The following ACER1 variants were observed in gnomAD, a reference collection of about 807,000 sequenced individuals.
ACER1 encodes alkaline ceramidase 1.
Under a neutral mutation model 24.9 loss-of-function variants are expected in ACER1, and 28 were observed. The ratio of observed to expected loss-of-function variants is 1.13; its 90% CI spans 0.83 to 1.54. The LOEUF (loss-of-function observed/expected upper bound fraction) is 1.54. Among genes scored for constraint, ACER1 ranks in the 40% most tolerant of loss-of-function variants. The pLI is 0.00. For synonymous variants in ACER1, 132 were observed against 131.4 expected (o/e 1.00, Z -0.03); for missense variants, 352 against 349.3 (o/e 1.01, Z -0.06).
chr19:6,315,193 A>ATATT lies in ACER1; in HGVS notation c.94-2698_94-2695dup, dbSNP rs150191095. 4.2e-3 allele frequency among the ~76,000 whole-genome samples: 623 copies of ATATT among 148,918 alleles called. 1 individual carries two copies. The highest frequency in any genetic ancestry group is 0.017 in the Middle Eastern group (5 of 292). ...CCACTGCACCCGGCCTTATTTATTTATATTTATTTATTTATTTATTTATTT... is the reference window on the plus strand; with the variant it reads ...CCACTGCACCCGGCCTTATTTATTTATATTTATTTATTTATTTATTTATTTATTT... On this transcript the variant is annotated intron_variant, in intron 1 of 5. Coordinates refer to ENST00000301452, the MANE Select transcript of ACER1 (RefSeq NM_133492.3).
At chr19:6,314,189 G>A (rs1259574571) in intron 1 of ACER1, among the ~76,000 whole-genome samples, 1 of 151,560 alleles carries the variant, frequency 6.6e-6, no homozygotes, top group Non-Finnish European at 1.5e-5. Context: ...ACAAAAATTG[G>A]CCAGGTGCAG....
chr19:6,316,989 T>C (rs2091606233), intron 1 of ACER1, among the ~76,000 whole-genome samples: 2 of 139,366 alleles, frequency 1.4e-5, no homozygotes, highest in South Asian at 2.3e-4. Flanking sequence ...TTTTTTTTTT[T>C]CTGAGATGGA....
At chr19:6,328,496 C>CAA (rs1013111916) in intron 1 of ACER1, among the ~76,000 whole-genome samples, 257 of 40,592 alleles carry the variant, frequency 6.3e-3, no homozygotes, top group Middle Eastern at 0.013. Context: ...GACTCCATCT[C>CAA]AAAAAAAAAA....
chr19:6,334,783 C>G (rs1167506719), upstream of ACER1, among the ~76,000 whole-genome samples: 1 of 151,634 alleles, frequency 6.6e-6, no homozygotes, highest in Admixed American at 6.6e-5. Flanking sequence ...AAAGCATGTA[C>G]AAAGGCTTAG....
intron 5 of ACER1, 44 bp from the exon 6 acceptor site, chr19:6,306,926 C>T (rs750741537): frequency 1.3e-6 from 2 of 1,580,594 alleles, no homozygotes; most frequent in South Asian, 2.3e-5. Flanking sequence ...AAGATACCCA[C>T]AGCCTCACGC....
the ACER1 span, among the ~76,000 whole-genome samples, chr19:6,344,218 G>A: frequency 6.6e-6 from 1 of 151,724 alleles, no homozygotes; most frequent in African/African-American, 2.4e-5. Context: ...GCAGTGAGCC[G>A]AGATTGCGCC....
intron 1 of ACER1, among the ~76,000 whole-genome samples, chr19:6,314,256 G>A (rs1034829149): frequency 6.6e-6 from 1 of 151,818 alleles, no homozygotes; most frequent in East Asian, 1.9e-4. Context: ...GATCACTTGA[G>A]GTCAGGAGTT....
rs376784758 is a variant in ACER1 at position 6,307,242 on chromosome 19, T to C, written c.537A>G (p.Leu179=). Residue 179 remains leucine, a synonymous_variant, in exon 5 of 6, where the codon TTA becomes TTG. Coordinates refer to ENST00000301452, the MANE Select transcript of ACER1 (RefSeq NM_133492.3). ...TCCAGCTGGTCAGAGCAACAGCCCA[T>C]AAAACCACGGAGACCTCAATCAGGT... ...LRHLIEVSVV[L]WAVALTSWIS... The C allele has an allele frequency of 4.3e-5, 70 of 1,613,864 alleles. No homozygotes were observed. Among genetic ancestry groups the C allele is most frequent in the Non-Finnish European group, 5.8e-5 (69 of 1,180,000 alleles).
rs368764098 is a variant in ACER1, at chr19:6,309,820, C to A, written c.365G>T (p.Arg122Leu). The A allele has an allele frequency of 6.0e-5, 97 of 1,613,952 alleles. No homozygotes were observed. Among genetic ancestry groups the A allele is most frequent in the Non-Finnish European group, 7.8e-5 (92 of 1,179,934 alleles). The change falls in exon 4 of 6, where the codon CGC becomes CTC. Residue 122 changes from arginine (R) to leucine (L), a missense_variant. Coordinates refer to ENST00000301452, the MANE Select transcript of ACER1 (RefSeq NM_133492.3). The part of the protein sequence containing the change: ...FLGGNRSQFI[R>L]LVFITTVVST... ...GACCACAGTGGTGATGAAGACCAGG[C>A]GGATGAACTGGGACCTGGGGAGGAA...
chr19:6,322,373 A>T (rs1173110473), intron 1 of ACER1, among the ~76,000 whole-genome samples: 2 of 152,178 alleles, frequency 1.3e-5, no homozygotes, highest in South Asian at 2.1e-4. Context: ...GAAAGACAAA[A>T]TATGTAGCAG....
chr19:6,334,750 C>T (rs74525516), upstream of ACER1, among the ~76,000 whole-genome samples: 4,105 of 152,090 alleles, frequency 0.027, 193 homozygotes, highest in African/African-American at 0.094. Context: ...ACAGAGCCAA[C>T]TGTAACAAAG....
the ACER1 span, among the ~76,000 whole-genome samples, chr19:6,341,097 TCTGA>T: frequency 6.6e-6 from 1 of 151,778 alleles, no homozygotes; most frequent in Non-Finnish European, 1.5e-5. Context: ...CCAGTCTCTC[TCTGA>T]CTTTGTTCTT....
intron 1 of ACER1, among the ~76,000 whole-genome samples, chr19:6,320,121 G>GGAAA (rs1052068594): frequency 1.4e-5 from 2 of 140,042 alleles, no homozygotes; most frequent in African/African-American, 5.3e-5. Flanking sequence ...AAAAAAAAAA[G>GGAAA]GAAAGAAAGA....
the ACER1 span, among the ~76,000 whole-genome samples, chr19:6,339,988 G>A: frequency 0.02 from 3,083 of 151,450 alleles, 38 homozygotes; most frequent in Non-Finnish European, 0.031. Context: ...TAAAAGAGGG[G>A]TTTGGGGCTG....
At position 6,306,651 on chromosome 19, in the gene ACER1, G is replaced by A; in HGVS notation, c.*63C>T. 6.5e-7 allele frequency: 1 copy of A among 1,541,056 alleles called. No individual in the cohort carries two copies. On this transcript the variant is annotated 3_prime_UTR_variant, in exon 6 of 6. Transcript: ENST00000301452. ...TCCCGCAGGTGCAAGTCCTGACCGG[G>A]GCTATCTTCTCAAGACACAGGCAAG... is the stretch of plus-strand genomic sequence containing the variant.
the ACER1 span, among the ~76,000 whole-genome samples, chr19:6,352,371 A>G: frequency 6.6e-6 from 1 of 152,200 alleles, no homozygotes; most frequent in Non-Finnish European, 1.5e-5. Context: ...CATATGGGGA[A>G]TAAAGACCAC....
chr19:6,343,227 G>C, the ACER1 span, among the ~76,000 whole-genome samples: 1 of 152,192 alleles, frequency 6.6e-6, no homozygotes, highest in Non-Finnish European at 1.5e-5. Flanking sequence ...GTTAGAACAA[G>C]ACAATTCCAC....
the ACER1 span, among the ~76,000 whole-genome samples, chr19:6,352,294 T>A: frequency 6.6e-6 from 1 of 152,100 alleles, no homozygotes; most frequent in Non-Finnish European, 1.5e-5. Flanking sequence ...AGAGCTACCA[T>A]GTGACTTCCA....
intron 1 of ACER1, among the ~76,000 whole-genome samples, chr19:6,319,750 G>A (rs1344909201): frequency 1.3e-5 from 2 of 151,878 alleles, no homozygotes; most frequent in Non-Finnish European, 2.9e-5. Flanking sequence ...TCCCCACCCT[G>A]TATCTAGAAC....
Sources: allele counts gnomAD v4.1 joint callset (sites outside exome capture counted in the v4.1 genomes callset), GRCh38; gene constraint gnomAD v4.1.1; transcripts MANE v1.5; gene names NCBI Gene and HGNC (gene_info 2026-07-23, HGNC 2026-07-21).